Variants in DIPK2A observed in about 807,000 individuals in gnomAD.
The protein encoded by DIPK2A is divergent protein kinase domain 2A.
DIPK2A carries 27 observed loss-of-function variants against 39.0 expected under a neutral mutation model. The ratio of observed to expected loss-of-function variants is 0.69; its 90% confidence interval spans 0.51 to 0.96. The LOEUF (loss-of-function observed/expected upper bound fraction) is 0.96. Among genes scored for constraint, DIPK2A ranks in the 40% least tolerant of loss-of-function variants. The pLI is 0.00. For synonymous variants in DIPK2A, 298 were observed against 240.8 expected, an observed-to-expected ratio of 1.24 and a Z score of -2.20; for missense variants, 528 against 571.3, an observed-to-expected ratio of 0.92 and a Z score of 0.77.
intron 2 of DIPK2A, among the ~76,000 whole-genome samples, chr3:143,986,662 C>T (rs1222870306): frequency 6.7e-5 from 10 of 149,690 alleles, no homozygotes; most frequent in Non-Finnish European, 8.9e-5. Context: ...GGGGCGGAGC[C>T]TGCAGTGAGC....
chr3:143,978,609 T>C (rs1480669755), intron 1 of DIPK2A: 1 of 35,316 alleles, frequency 2.8e-5, no homozygotes, highest in Non-Finnish European at 4.4e-5. Flanking sequence ...TATCTATATA[T>C]ATATATCTAT....
Position 143,972,311 on chromosome 3 carries a change from C to T in DIPK2A, c.-22C>T. The T allele has an allele frequency of 1.5e-6, 2 of 1,352,418 alleles. No homozygotes were observed. Among genetic ancestry groups the T allele is most frequent in the African/African-American group, 1.5e-5 (1 of 65,000 alleles). 83.8% of individuals were successfully genotyped at this position (1,352,418 alleles called of 1,614,324 possible). ...GCGCCCCGGGGGTGCCCTCGCCCTC[C>T]CGTTGCGGGCGGGCGGGCGGTATGT... On this transcript the variant is annotated 5_prime_UTR_variant, in exon 1 of 3. Coordinates refer to ENST00000315691, the MANE Select transcript of DIPK2A (RefSeq NM_173552.5).
At chr3:143,986,885 CT>C (rs11289582) in intron 2 of DIPK2A, among the ~76,000 whole-genome samples, 52,328 of 151,902 alleles carry the variant, frequency 0.34, 9,145 homozygotes, top group African/African-American at 0.38. Flanking sequence ...CTCTTTCCCC[CT>C]GATAAAAGTA....
chr3:143,978,691 T>TATATATATATCTATATATAG (rs1559854349), intron 1 of DIPK2A, among the ~76,000 whole-genome samples: 45 of 133,296 alleles, frequency 3.4e-4, no homozygotes, highest in East Asian at 8.3e-4. Flanking sequence ...TCTATATATA[T>TATATATATATCTATATATAG]ATATATATAT....
At chr3:143,986,883 C>T (rs1338790182) in intron 2 of DIPK2A, among the ~76,000 whole-genome samples, 2 of 132,008 alleles carry the variant, frequency 1.5e-5, no homozygotes, top group Admixed American at 1.5e-4. Context: ...CCCTCTTTCC[C>T]CCTGATAAAA....
chr3:143,980,215 GC>G (rs2087807463), intron 1 of DIPK2A, among the ~76,000 whole-genome samples: 2 of 152,058 alleles, frequency 1.3e-5, no homozygotes, highest in Non-Finnish European at 2.9e-5. Context: ...TCAAATTTGG[GC>G]TTTAAAAAAT....
Position 143,985,865 on chromosome 3 carries a change from AT to A in DIPK2A, c.961+26del, listed in dbSNP as rs768883024. 19 of 1,557,846 alleles carry A rather than the reference AT, an allele frequency of 1.2e-5. No individual in the cohort carries two copies. The highest frequency in any genetic ancestry group is 3.6e-5 in the South Asian group (3 of 83,228). On this transcript the variant is annotated intron_variant, in intron 2 of 2. Coordinates refer to ENST00000315691, the MANE Select transcript of DIPK2A (RefSeq NM_173552.5). ...AGACAAAGTAAGTATATAATTTTAG[AT>A]TTTTTTCTACTCATTTTTTCCTATG...
At chr3:143,976,531 AGT>A (rs34741607) in intron 1 of DIPK2A, among the ~76,000 whole-genome samples, 1,538 of 142,434 alleles carry the variant, frequency 0.011, 16 homozygotes, top group Middle Eastern at 0.019. Context: ...AGAAAGGGAG[AGT>A]GTGTGTGTGT....
chr3:143,973,469 C>T, intron 1 of DIPK2A: 3 of 1,551,068 alleles, frequency 1.9e-6, no homozygotes, highest in South Asian at 1.2e-5. Context: ...GTCTCAGAGT[C>T]TTTGTTTTCG....
intron 1 of DIPK2A, chr3:143,978,660 C>CTA (rs1213006964): frequency 8.5e-4 from 65 of 76,028 alleles, no homozygotes; most frequent in African/African-American, 3.0e-3. Context: ...ATATATATAT[C>CTA]TATATATAGA....
chr3:143,989,814 A>T lies in DIPK2A; in HGVS notation c.1266A>T (p.Leu422=), dbSNP rs1259363294. The T allele has an allele frequency of 6.2e-7, 1 of 1,613,370 alleles. No individual in the cohort carries two copies. Among genetic ancestry groups the T allele is most frequent in the Non-Finnish European group, 8.5e-7 (1 of 1,179,512 alleles). ...CTGCAAAAGAACTGCGTGAATACCTAGCACAATTAAGTAACAACGTGAGGT... is the reference window on the plus strand; with the variant it reads ...CTGCAAAAGAACTGCGTGAATACCTTGCACAATTAAGTAACAACGTGAGGT... ...FQAAKELREY[L]AQLSNNVR Residue 422 remains leucine, a synonymous_variant, in exon 3 of 3, where the codon CTA becomes CTT. Coordinates refer to ENST00000315691, the MANE Select transcript of DIPK2A (RefSeq NM_173552.5).
chr3:143,972,273 TGGCGCGGCGGG>T lies in DIPK2A; in HGVS notation c.-54_-44del. The T allele has an allele frequency of 3.0e-6, 4 of 1,332,526 alleles. No homozygotes were observed. In the South Asian group the frequency reaches 6.1e-5, roughly 20 times the overall value. The allele number at this position is 1,332,526 out of a possible 1,614,324, so 82.5% of individuals were successfully genotyped here. A position where few individuals can be genotyped will look rare whatever the true frequency, so the allele number is the denominator to read the frequency against. ...TTCCTGCCGGTAGCTCTCCGGGTCT[TGGCGCGGCGGG>T]GGCGCCCCGGGGGTGCCCTCGCCCT... is the stretch of plus-strand genomic sequence containing the variant. On this transcript the variant is annotated 5_prime_UTR_variant, in exon 1 of 3. Coordinates refer to ENST00000315691, the MANE Select transcript of DIPK2A (RefSeq NM_173552.5).
intron 1 of DIPK2A, 133 bp from the exon 2 acceptor site, chr3:143,985,410 T>C: frequency 1.3e-6 from 1 of 747,684 alleles, no homozygotes; most frequent in Non-Finnish European, 2.2e-6. Flanking sequence ...GAAGTTAATC[T>C]CTAATAAACT....
At chr3:143,981,653 C>T (rs1576809901) in intron 1 of DIPK2A, among the ~76,000 whole-genome samples, 2 of 152,006 alleles carry the variant, frequency 1.3e-5, no homozygotes, top group East Asian at 3.8e-4. Flanking sequence ...AATTCTTAAA[C>T]AGATGATAAA....
chr3:143,985,512 C>T (rs771318374), intron 1 of DIPK2A, 31 bp from the exon 2 acceptor site: 2 of 1,571,190 alleles, frequency 1.3e-6, no homozygotes, highest in Non-Finnish European at 1.7e-6. Flanking sequence ...TCATCAGAAT[C>T]TCTTGTAATA....
intron 1 of DIPK2A, among the ~76,000 whole-genome samples, chr3:143,974,209 C>A (rs73870991): frequency 6.6e-6 from 1 of 151,884 alleles, no homozygotes. Flanking sequence ...CTACACTGCC[C>A]ATTTTAGCTT....
chr3:143,974,386 C>G (rs960764919), intron 1 of DIPK2A, among the ~76,000 whole-genome samples: 1 of 152,190 alleles, frequency 6.6e-6, no homozygotes, highest in Non-Finnish European at 1.5e-5. Context: ...GCTGTATCAC[C>G]TAACTGAATG....
rs763254203 is a variant in DIPK2A, at chr3:143,972,752, C to T, written c.420C>T (p.Ala140=). 1 of 1,579,410 alleles carries T rather than the reference C, an allele frequency of 6.3e-7. No homozygotes were observed. Among genetic ancestry groups the T allele is most frequent in the Middle Eastern group, 1.7e-4 (1 of 5,986 alleles). ...GGCCCCGCTGCGACCTGCTGCAGGC[C>T]ATGCCCCGGACCGAGTTCGCGCGCC... The part of the protein sequence containing the change: ...TGRPRCDLLQ[A]MPRTEFARLN... Residue 140 remains alanine, a synonymous_variant, in exon 1 of 3, where the codon GCC becomes GCT. Transcript: ENST00000315691.
intron 1 of DIPK2A, 67 bp downstream of exon 1, chr3:143,973,056 A>C: frequency 6.6e-7 from 1 of 1,507,246 alleles, no homozygotes; most frequent in East Asian, 2.4e-5. Flanking sequence ...AGTCGGGAGA[A>C]GTGGCTCAGC....
Sources: gnomAD v4.1 joint callset for allele counts (sites outside exome capture counted in the v4.1 genomes callset) on GRCh38, gnomAD v4.1.1 for gene constraint, MANE v1.5 for transcripts, NCBI Gene and HGNC (gene_info 2026-07-23, HGNC 2026-07-21) for gene names.